Variants in KLHL25 observed in about 807,000 individuals in gnomAD.
The protein encoded by KLHL25 is kelch like family member 25, also known as kelch-like protein 25.
A neutral mutation model predicts 30.0 loss-of-function variants in KLHL25; 41 were observed. The ratio of observed to expected loss-of-function variants is 1.37; its 90% confidence interval spans 1.07 to 1.78. KLHL25 has a LOEUF of 1.78. Among genes scored for constraint, KLHL25 ranks in the 40% most tolerant of loss-of-function variants. KLHL25 has a pLI of 0.00. For missense variants in KLHL25, 971 were observed against 824.5 expected, an observed-to-expected ratio of 1.18 and a Z score of -2.18; for synonymous variants, 399 against 355.3, an observed-to-expected ratio of 1.12 and a Z score of -1.38.
At chr15:85,764,999 T>C (rs528714815) in intron 2 of KLHL25, among the ~76,000 whole-genome samples, 228 of 152,234 alleles carry the variant, frequency 1.5e-3, no homozygotes, top group Non-Finnish European at 2.7e-3. Flanking sequence ...GAGTACATGG[T>C]TCACCAGGTC....
chr15:85,782,561 A>C (rs1597279791), intron 1 of KLHL25, among the ~76,000 whole-genome samples: 3 of 114,532 alleles, frequency 2.6e-5, no homozygotes, highest in African/African-American at 7.0e-5. Context: ...CCACACCCTC[A>C]CCTCCCCAAT....
intron 1 of KLHL25, among the ~76,000 whole-genome samples, chr15:85,777,973 A>T (rs1037299071): frequency 6.6e-6 from 1 of 152,212 alleles, no homozygotes; most frequent in African/African-American, 2.4e-5. Context: ...CAAGCTCAAC[A>T]TGGTTATGAC....
At chr15:85,778,481 C>G (rs1029716261) in intron 1 of KLHL25, among the ~76,000 whole-genome samples, 1 of 152,230 alleles carries the variant, frequency 6.6e-6, no homozygotes, top group African/African-American at 2.4e-5. Flanking sequence ...CGTGTTAACT[C>G]ACCTCATCCC....
Position 85,769,047 on chromosome 15 carries a change from A to AG in KLHL25, c.763dup (p.Leu255ProfsTer14). 1 of 1,607,402 alleles carries AG rather than the reference A, an allele frequency of 6.2e-7. No individual in the cohort carries two copies. Among genetic ancestry groups the AG allele is most frequent in the Non-Finnish European group, 8.5e-7 (1 of 1,176,480 alleles). On this transcript the variant is annotated frameshift_variant, in exon 2 of 3. Coordinates refer to ENST00000337975, the MANE Select transcript of KLHL25 (RefSeq NM_022480.4). LOFTEE classifies it high-confidence loss of function. ...CTTGGTGCGCTCGTCTGCCATGAGG[A>AG]GGGCCTCGCTGGAGACGGCCTCCTG...
chr15:85,776,472 G>C (rs562296922), intron 1 of KLHL25, among the ~76,000 whole-genome samples: 2 of 151,406 alleles, frequency 1.3e-5, no homozygotes, highest in African/African-American at 4.8e-5. Flanking sequence ...CTGGGCGACA[G>C]AGAGGCTCCG....
chr15:85,792,374 CCAG>C (rs2089823293), intron 1 of KLHL25, among the ~76,000 whole-genome samples: 1 of 152,220 alleles, frequency 6.6e-6, no homozygotes, highest in African/African-American at 2.4e-5. Context: ...TAGATGAAAA[CCAG>C]CATCTCAATC....
Position 85,768,689 on chromosome 15 carries a change from C to G in KLHL25, c.1122G>C (p.Met374Ile). The G allele has an allele frequency of 6.2e-7, 1 of 1,613,428 alleles. No homozygotes were observed. The highest frequency in any genetic ancestry group is 8.5e-7 in the Non-Finnish European group (1 of 1,179,776). ...VHEEWSKAAP[M>I]LIARFGHGSA... Reference sequence around the variant, plus strand: ...AGCCATGGCCAAAGCGGGCAATCAGCATGGGCGCCGCCTTGGACCATTCCT... The same window carrying G: ...AGCCATGGCCAAAGCGGGCAATCAGGATGGGCGCCGCCTTGGACCATTCCT... The change falls in exon 2 of 3, where the codon ATG becomes ATC. Residue 374 changes from methionine to isoleucine, a missense_variant. By Grantham distance (10) the Met-to-Ile change is conservative. Coordinates refer to ENST00000337975, the MANE Select transcript of KLHL25 (RefSeq NM_022480.4).
Position 85,769,482 on chromosome 15 carries a change from A to G in KLHL25, c.329T>C (p.Ile110Thr), listed in dbSNP as rs768592257. ...LLLDFAYSSR[I>T]AINEENAESL... is the part of the protein sequence containing the mutation. ...CTCAGCGTTCTCCTCGTTGATGGCG[A>G]TGCGTGAGGAGTAGGCAAAGTCCAG... The change falls in exon 2 of 3, where the codon ATC becomes ACC. Residue 110 changes from isoleucine (I) to threonine (T), a missense_variant. Coordinates refer to ENST00000337975, the MANE Select transcript of KLHL25 (RefSeq NM_022480.4). 2 of 1,614,004 alleles carry G rather than the reference A, an allele frequency of 1.2e-6. No homozygotes were observed. The highest frequency in any genetic ancestry group is 8.5e-7 in the Non-Finnish European group (1 of 1,180,008).
chr15:85,768,129 G>C lies in KLHL25; in HGVS notation c.1682C>G (p.Thr561Ser). The C allele has an allele frequency of 6.2e-7, 1 of 1,614,250 alleles. No homozygotes were observed. Among genetic ancestry groups the C allele is most frequent in the African/African-American group, 1.3e-5 (1 of 75,068 alleles). The change falls in exon 2 of 3, where the codon ACT becomes AGT. Residue 561 changes from threonine to serine, a missense_variant. Thr to Ser is a moderately conservative substitution (Grantham distance 58). Transcript: ENST00000337975. ...RCKTLDCYDP[T>S]SDTWNCITTV... The stretch of plus-strand genomic sequence containing the variant: ...GGTGATGCAGTTCCATGTATCTGAA[G>C]TGGGGTCATAGCAGTCCAGAGTCTT...
rs895445403 is a variant in KLHL25, at chr15:85,770,543, C to T, written c.-10-723G>A. 3 of 534,060 alleles carry T rather than the reference C, an allele frequency of 5.6e-6. No individual in the cohort carries two copies. The African/African-American group carries it at 5.8e-5, about 10-fold the overall frequency. The allele number at this position is 534,060 out of a possible 1,614,324, so 33.1% of individuals were successfully genotyped here. On this transcript the variant is annotated intron_variant, in intron 1 of 2. Transcript: ENST00000337975. ...CTCAGTGGAGACATGTTCTCTGAAT[C>T]CAGGTGTCTCCACAGGGCTCTTTAC...
chr15:85,785,451 C>CA (rs528732718), intron 1 of KLHL25, among the ~76,000 whole-genome samples: 13 of 152,178 alleles, frequency 8.5e-5, no homozygotes, highest in Non-Finnish European at 2.9e-5. Flanking sequence ...AGCAGGTTCT[C>CA]AATTTCATTT....
In KLHL25 at chr15:85,789,525, C is replaced by T. The variant is rs1278410589; in HGVS notation, c.-11+5241G>A. Among the ~76,000 whole-genome samples, 3 of 152,242 alleles carry T rather than the reference C, an allele frequency of 2.0e-5. No homozygotes were observed. In the East Asian group the frequency reaches 5.8e-4, roughly 29 times the overall value. ...CCTCCCAAGTAGCTGGAATTATAGGCGCCTGCCACCATGTCCAGCTAATCT... is the reference window on the plus strand; with the variant it reads ...CCTCCCAAGTAGCTGGAATTATAGGTGCCTGCCACCATGTCCAGCTAATCT... On this transcript the variant is annotated intron_variant, in intron 1 of 2. Transcript: ENST00000337975. The surrounding 1 kb of genome is among the most constrained non-coding windows in gnomAD (Gnocchi z 4.1).
Position 85,768,816 on chromosome 15 carries a change from T to G in KLHL25, c.995A>C (p.Glu332Ala). ...PKADLPSPRK[E>A]FSASAIGCKV... is the part of the protein sequence containing the mutation. ...GCAGCCGATCGCTGAGGCGCTGAAC[T>G]CCTTCCGGGGGCTGGGCAGGTCGGC... The change falls in exon 2 of 3, where the codon GAG becomes GCG. Residue 332 changes from glutamate (E) to alanine (A), a missense_variant. By Grantham distance (107) the Glu-to-Ala change is moderately radical. Transcript: ENST00000337975. 6.2e-7 allele frequency: 1 copy of G among 1,613,350 alleles called. No individual in the cohort carries two copies. Among genetic ancestry groups the G allele is most frequent in the Non-Finnish European group, 8.5e-7 (1 of 1,180,034 alleles).
intron 1 of KLHL25, among the ~76,000 whole-genome samples, chr15:85,787,925 G>A (rs2089791080): frequency 6.6e-6 from 1 of 152,094 alleles, no homozygotes; most frequent in Non-Finnish European, 1.5e-5. Flanking sequence ...AGCTGGGCGT[G>A]GTGGCTTGCG....
intron 2 of KLHL25, chr15:85,764,292 C>G (rs759937719): frequency 6.6e-6 from 1 of 152,468 alleles, no homozygotes; most frequent in Non-Finnish European, 1.5e-5. Flanking sequence ...ATGGGAACAA[C>G]CCAGGGTCAT....
chr15:85,764,310 G>A (rs1247420586), intron 2 of KLHL25: 2 of 152,448 alleles, frequency 1.3e-5, no homozygotes, highest in Non-Finnish European at 2.9e-5. Flanking sequence ...CATAGTGAGG[G>A]GACAGAAGCC....
In KLHL25 at chr15:85,769,678, A is replaced by G; in HGVS notation, c.133T>C (p.Phe45Leu). 6.2e-7 allele frequency: 1 copy of G among 1,613,916 alleles called. No homozygotes were observed. Among genetic ancestry groups the G allele is most frequent in the Non-Finnish European group, 8.5e-7 (1 of 1,180,028 alleles). The part of the protein sequence containing the change: ...HLNTLRKHCM[F>L]TDVTLWAGDR... ...CCCGCCCAGAGTGTGACGTCGGTGA[A>G]CATGCAGTGCTTGCGAAGCGTGTTG... Residue 45 changes from phenylalanine to leucine, a missense_variant, in exon 2 of 3, where the codon TTC becomes CTC. Physicochemically the swap from Phe to Leu is conservative, Grantham distance 22. Coordinates refer to ENST00000337975, the MANE Select transcript of KLHL25 (RefSeq NM_022480.4).
chr15:85,776,794 G>A (rs540138623), intron 1 of KLHL25, among the ~76,000 whole-genome samples: 110 of 150,648 alleles, frequency 7.3e-4, no homozygotes, highest in Middle Eastern at 7.0e-3. Context: ...GTGTGGTGGC[G>A]GGTGCCTATA....
At chr15:85,763,319 G>C (rs2151804289) in intron 2 of KLHL25, 1 of 152,358 alleles carries the variant, frequency 6.6e-6, no homozygotes, top group East Asian at 1.9e-4. Context: ...CTGTGCCAGG[G>C]GCGCAGACGT....
Sources: allele counts gnomAD v4.1 joint callset (sites outside exome capture counted in the v4.1 genomes callset), GRCh38; gene constraint gnomAD v4.1.1; non-coding constraint Gnocchi (gnomAD v3.1); transcripts MANE v1.5; gene names NCBI Gene and HGNC (gene_info 2026-07-23, HGNC 2026-07-21).